The following MSH5 variants were observed in gnomAD, a reference collection of about 807,000 sequenced individuals.
MSH5 encodes mutS homolog 5.
A neutral mutation model predicts 107.7 loss-of-function variants in MSH5; 78 were observed. That is an observed-to-expected ratio of 0.72 (90% confidence interval 0.60 to 0.87). The LOEUF (loss-of-function observed/expected upper bound fraction) is 0.87. Ranked by LOEUF, MSH5 falls within the 40% of genes least tolerant of loss-of-function variation. The probability of loss-of-function intolerance (pLI) is 0.00; values close to 1 mark genes in which losing one functional copy is unlikely to be tolerated. For synonymous variants in MSH5, 326 were observed against 399.5 expected, an observed-to-expected ratio of 0.82 and a Z score of 2.19; for missense variants, 889 against 1,046.6, an observed-to-expected ratio of 0.85 and a Z score of 2.08.
At position 31,758,405 on chromosome 6, in the gene MSH5, G is replaced by A. The variant is rs968187863; in HGVS notation, c.1143+112G>A. The A allele has an allele frequency of 6.4e-7, 1 of 1,560,434 alleles. No individual in the cohort carries two copies. ...AGGTCAATTGGATAAAGAATGGGAT[G>A]GTGGGAGGAGGCAGCAGAACTTCAG... On this transcript the variant is annotated intron_variant, in intron 13 of 24. Coordinates refer to ENST00000375750, the MANE Select transcript of MSH5 (RefSeq NM_172166.4). The surrounding 1 kb of genome is among the most constrained non-coding windows in gnomAD (Gnocchi z 5.1).
intron 12 of MSH5, chr6:31,757,896 C>T (rs1810592416): frequency 2.0e-6 from 1 of 509,922 alleles, no homozygotes; most frequent in Non-Finnish European, 3.5e-6. Flanking sequence ...TCTCGAACTC[C>T]TGACCTCAGG....
chr6:31,742,760 C>A, intron 3 of MSH5, 117 bp from the exon 4 acceptor site: 4 of 942,858 alleles, frequency 4.2e-6, no homozygotes, highest in South Asian at 1.4e-5. Flanking sequence ...GCACTCCCTA[C>A]TCCTAGGGAG....
intron 9 of MSH5, among the ~76,000 whole-genome samples, chr6:31,745,770 T>G (rs1322363662): frequency 2.0e-5 from 3 of 146,544 alleles, no homozygotes; most frequent in East Asian, 2.0e-4. Flanking sequence ...TCCAGGTTTT[T>G]TTTTTTTTTT....
At chr6:31,754,963 A>G (rs9267560) in intron 12 of MSH5, among the ~76,000 whole-genome samples, 8,485 of 151,998 alleles carry the variant, frequency 0.056, 289 homozygotes, top group Middle Eastern at 0.088. Context: ...CATGTTGGCC[A>G]GGATGGTCTT....
chr6:31,762,122 T>C lies in MSH5; in HGVS notation c.2330T>C (p.Leu777Ser). The C allele has an allele frequency of 1.2e-6, 2 of 1,614,162 alleles. No individual in the cohort carries two copies. The highest frequency in any genetic ancestry group is 1.3e-5 in the African/African-American group (1 of 75,030). ...LVARGKEVSDLIRSGKPIKPV... is the reference protein window; with the variant it reads ...LVARGKEVSDSIRSGKPIKPV... ...CTTGCTTGTTCCTAGGTCTCAGACTTGATCCGCAGTGGAAAACCCATCAAG... is the reference window on the plus strand; with the variant it reads ...CTTGCTTGTTCCTAGGTCTCAGACTCGATCCGCAGTGGAAAACCCATCAAG... Residue 777 changes from leucine to serine, a missense_variant, in exon 24 of 25, where the codon TTG (leucine) becomes TCG (serine). This residue lies in a region of MSH5 where 362 missense variants were observed against 456.2 expected (regional missense o/e 0.79). Coordinates refer to ENST00000375750, the MANE Select transcript of MSH5 (RefSeq NM_172166.4).
chr6:31,759,581 G>C lies in MSH5; in HGVS notation c.1495+69G>C. ...AAAAGCAGCAGCCAGGGGAAGGAGG[G>C]GAGTGGGCAACTTGGGGATGCTTCC... On this transcript the variant is annotated intron_variant, in intron 17 of 24. Transcript: ENST00000375750. This position sits in a 1 kb window ranked among gnomAD's most constrained non-coding sequence, Gnocchi z 4.7. 13 of 1,520,244 alleles carry C rather than the reference G, an allele frequency of 8.6e-6. No individual in the cohort carries two copies. Among genetic ancestry groups the C allele is most frequent in the African/African-American group, 1.4e-5 (1 of 72,904 alleles). 94.2% of individuals were successfully genotyped at this position (1,520,244 alleles called of 1,614,324 possible).
At position 31,753,635 on chromosome 6, in the gene MSH5, GCCTT is replaced by G. The variant is rs1422900725; in HGVS notation, c.1014+12_1014+15del. 2 of 1,613,912 alleles carry G rather than the reference GCCTT, an allele frequency of 1.2e-6. No individual in the cohort carries two copies. Among genetic ancestry groups the G allele is most frequent in the East Asian group, 2.2e-5 (1 of 44,904 alleles). ...ACTGGCAGGTTCTCTACAAGGTAAGGCCTTCCTTCTTGAATCCCAAAAGTCCAGG... is the reference window on the plus strand; with the variant it reads ...ACTGGCAGGTTCTCTACAAGGTAAGGCCTTCTTGAATCCCAAAAGTCCAGG... On this transcript the variant is annotated splice_region_variant and intron_variant, in intron 12 of 24. Transcript: ENST00000375750.
At chr6:31,755,796 A>G (rs1415120570) in intron 12 of MSH5, among the ~76,000 whole-genome samples, 1 of 152,166 alleles carries the variant, frequency 6.6e-6, no homozygotes, top group Non-Finnish European at 1.5e-5. Context: ...ATGCCCAGTC[A>G]GATGATGGCC....
At chr6:31,754,219 G>A (rs1024270272) in intron 12 of MSH5, among the ~76,000 whole-genome samples, 3 of 150,422 alleles carry the variant, frequency 2.0e-5, no homozygotes, top group Admixed American at 1.3e-4. Context: ...GTGCGATCTC[G>A]GCTCACTGCA....
chr6:31,748,805 C>T (rs1809696120), intron 10 of MSH5, among the ~76,000 whole-genome samples: 1 of 152,096 alleles, frequency 6.6e-6, no homozygotes, highest in Non-Finnish European at 1.5e-5. Context: ...CCTTCCAAAG[C>T]CCCTTCTAAG....
Position 31,759,426 on chromosome 6 carries a change from T to G in MSH5, c.1409T>G (p.Phe470Cys). The change falls in exon 17 of 25, where the codon TTT becomes TGT. Residue 470 changes from phenylalanine (F) to cysteine (C), a missense_variant and splice_region_variant. This residue lies in a region of MSH5 where 9 missense variants were observed against 25.4 expected (regional missense o/e 0.35). Transcript: ENST00000375750. The surrounding 1 kb of genome is among the most constrained non-coding windows in gnomAD (Gnocchi z 4.7). ...ACAGCTTTGAACCCCTGTACCCAGT[T>G]TCTCTCAGAGGAGAAGCTGCACTAT... ...DFEINGLDFM[F>C]LSEEKLHYRS... 1.2e-6 allele frequency: 2 copies of G among 1,612,626 alleles called. No homozygotes were observed. Among genetic ancestry groups the G allele is most frequent in the Non-Finnish European group, 1.7e-6 (2 of 1,179,992 alleles).
chr6:31,754,760 T>C (rs1045756211), intron 12 of MSH5, among the ~76,000 whole-genome samples: 3 of 150,404 alleles, frequency 2.0e-5, no homozygotes, highest in Non-Finnish European at 3.0e-5. Context: ...TTTCTTTTTT[T>C]TTTTTTTTTT....
At chr6:31,741,725 G>A (rs766207700) in intron 3 of MSH5, among the ~76,000 whole-genome samples, 1 of 150,734 alleles carries the variant, frequency 6.6e-6, no homozygotes, top group South Asian at 2.1e-4. Flanking sequence ...AGCATATTTT[G>A]TGTTGCTGTA....
Position 31,745,291 on chromosome 6 carries a change from T to G in MSH5, c.738T>G (p.Ser246Arg). Residue 246 changes from serine (S) to arginine (R), a missense_variant, in exon 9 of 25, where the codon AGT (serine) becomes AGG (arginine). Physicochemically the swap from Ser to Arg is moderately radical, Grantham distance 110. This residue lies in a region of MSH5 where 518 missense variants were observed against 565.0 expected (regional missense o/e 0.92). Coordinates refer to ENST00000375750, the MANE Select transcript of MSH5 (RefSeq NM_172166.4). ...ACCCCTCAGTGTACAAAGTGGCCAGTGGACTGAAGGAGGGGCTCAGCCTCT... is the reference window on the plus strand; with the variant it reads ...ACCCCTCAGTGTACAAAGTGGCCAGGGGACTGAAGGAGGGGCTCAGCCTCT... ...ESHPSVYKVA[S>R]GLKEGLSLFG... is the part of the protein sequence containing the mutation. The G allele has an allele frequency of 6.2e-7, 1 of 1,613,474 alleles. No homozygotes were observed. Among genetic ancestry groups the G allele is most frequent in the Non-Finnish European group, 8.5e-7 (1 of 1,179,456 alleles).
chr6:31,748,503 C>T (rs1809666433), intron 10 of MSH5, among the ~76,000 whole-genome samples: 1 of 151,832 alleles, frequency 6.6e-6, no homozygotes, highest in Non-Finnish European at 1.5e-5. Context: ...CGCCCACCAC[C>T]ACACCTGGCT....
chr6:31,756,427 C>A (rs1810450414), intron 12 of MSH5, among the ~76,000 whole-genome samples: 1 of 152,100 alleles, frequency 6.6e-6, no homozygotes, highest in Non-Finnish European at 1.5e-5. Flanking sequence ...CCGCCTCAGC[C>A]TCCCAAAGTG....
chr6:31,745,360 AC>A, intron 9 of MSH5, 41 bp downstream of exon 9: 1 of 1,414,360 alleles, frequency 7.1e-7, no homozygotes, highest in Non-Finnish European at 1.0e-6. Context: ...ACAAAGACCT[AC>A]CAGAAAAGCA....
intron 8 of MSH5, 134 bp from the exon 9 acceptor site, chr6:31,745,103 C>CAA (rs9279403): frequency 7.6e-3 from 2,725 of 356,942 alleles, no homozygotes; most frequent in South Asian, 0.012. Context: ...GACTCCATCT[C>CAA]AAAAAAAAAA....
At chr6:31,741,345 AC>A (rs1808868741) in intron 3 of MSH5, 59 bp downstream of exon 3, 3 of 539,560 alleles carry the variant, frequency 5.6e-6, no homozygotes, top group Non-Finnish European at 7.7e-6. Flanking sequence ...TTACACACAC[AC>A]ACACACACAC....
Sources: gnomAD v4.1 joint callset for allele counts (sites outside exome capture counted in the v4.1 genomes callset) on GRCh38, gnomAD v4.1.1 for gene constraint, gnomAD v4.1.1 regional missense constraint, Gnocchi (gnomAD v3.1) non-coding constraint, MANE v1.5 for transcripts, NCBI Gene and HGNC (gene_info 2026-07-23, HGNC 2026-07-21) for gene names.